IMMP2L: variants seen among roughly 807,000 people sequenced by gnomAD.
The protein encoded by IMMP2L is mitochondrial inner membrane protease subunit 2.
Under a neutral mutation model 19.3 loss-of-function variants are expected in IMMP2L, and 18 were observed. The ratio of observed to expected loss-of-function variants is 0.93; its 90% CI spans 0.64 to 1.38. IMMP2L has a LOEUF of 1.38. Among genes scored for constraint, IMMP2L ranks in the 40% most tolerant of loss-of-function variants. The pLI, the probability that IMMP2L is intolerant of heterozygous loss-of-function variation, is 0.00. For synonymous variants in IMMP2L, 76 were observed against 73.0 expected (o/e 1.04, Z -0.21); for missense variants, 233 against 218.2 (o/e 1.07, Z -0.43).
rs550783636 is a variant in IMMP2L at position 110,908,071 on chromosome 7, T to C, written c.306-21376A>G. ...AGTTGCACTCAAATATTATGTAGTT[T>C]TTGGTTTATGGGTAAACTCAGAAAA... On this transcript the variant is annotated intron_variant, in intron 4 of 5. Transcript: ENST00000405709. 2.0e-5 allele frequency among the ~76,000 whole-genome samples: 3 copies of C among 152,296 alleles called. No individual in the cohort carries two copies. In the East Asian group the frequency reaches 5.8e-4, roughly 29 times the overall value.
intron 3 of IMMP2L, among the ~76,000 whole-genome samples, chr7:111,254,838 G>T (rs1816532104): frequency 6.6e-6 from 1 of 151,982 alleles, no homozygotes; most frequent in Non-Finnish European, 1.5e-5. Flanking sequence ...ATATAACTGT[G>T]CAGTTCCAAC....
At chr7:111,542,315 AATATACACTTT>A (rs1848568256) in intron 1 of IMMP2L, among the ~76,000 whole-genome samples, 1 of 152,168 alleles carries the variant, frequency 6.6e-6, no homozygotes, top group East Asian at 1.9e-4. Context: ...TCTAGTAGAG[AATATACACTTT>A]GTGTTGATTA....
intron 5 of IMMP2L, among the ~76,000 whole-genome samples, chr7:110,719,172 C>A (rs566517010): frequency 7.2e-5 from 11 of 152,248 alleles, no homozygotes; most frequent in Admixed American, 5.9e-4. Flanking sequence ...CAGACAAACA[C>A]TGGACTGAAC....
At chr7:111,177,477 G>A (rs1054328233) in intron 3 of IMMP2L, among the ~76,000 whole-genome samples, 12 of 152,030 alleles carry the variant, frequency 7.9e-5, no homozygotes, top group African/African-American at 2.9e-4. Context: ...CATTGTGCCC[G>A]GGCTTCCCCA....
chr7:111,118,419 T>C (rs1460444788), intron 3 of IMMP2L, among the ~76,000 whole-genome samples: 4 of 152,092 alleles, frequency 2.6e-5, no homozygotes, highest in African/African-American at 9.7e-5. Flanking sequence ...TCTCAAATTA[T>C]AAGTGTCCAC....
At chr7:111,066,799 T>A (rs189549899) in intron 3 of IMMP2L, among the ~76,000 whole-genome samples, 1 of 152,234 alleles carries the variant, frequency 6.6e-6, no homozygotes, top group East Asian at 1.9e-4. Flanking sequence ...TCTACCAATA[T>A]GAATTACGGT....
intron 3 of IMMP2L, among the ~76,000 whole-genome samples, chr7:111,451,831 G>A (rs926550564): frequency 5.9e-5 from 9 of 151,838 alleles, no homozygotes; most frequent in African/African-American, 1.7e-4. Flanking sequence ...GAAATCCTAC[G>A]TTTTCTCTCG....
chr7:110,953,456 A>G (rs2129554440), intron 4 of IMMP2L, among the ~76,000 whole-genome samples: 1 of 152,078 alleles, frequency 6.6e-6, no homozygotes, highest in Non-Finnish European at 1.5e-5. Flanking sequence ...GCTGAGAATG[A>G]TGGTTTCCAG....
intron 5 of IMMP2L, among the ~76,000 whole-genome samples, chr7:110,863,672 A>G (rs1348159716): frequency 2.0e-5 from 3 of 152,128 alleles, no homozygotes; most frequent in Admixed American, 1.3e-4. Flanking sequence ...CTGGTACTCA[A>G]CAGTATACTG....
chr7:110,704,539 T>C (rs1007273263), intron 5 of IMMP2L, among the ~76,000 whole-genome samples: 2 of 152,260 alleles, frequency 1.3e-5, no homozygotes, highest in Non-Finnish European at 2.9e-5. Flanking sequence ...GTGGCAGTGC[T>C]GCCTCAAACT....
intron 3 of IMMP2L, among the ~76,000 whole-genome samples, chr7:111,028,437 A>C (rs925547990): frequency 6.6e-6 from 1 of 152,168 alleles, no homozygotes; most frequent in Non-Finnish European, 1.5e-5. Context: ...CAATCAGCAT[A>C]GGGAAATCTC....
At chr7:111,016,579 A>G (rs1222096676) in intron 3 of IMMP2L, among the ~76,000 whole-genome samples, 4 of 115,784 alleles carry the variant, frequency 3.5e-5, no homozygotes, top group Admixed American at 1.1e-4. Context: ...ACATACATAT[A>G]CATATATGTA....
At chr7:110,683,203 C>G (rs149374919) in intron 5 of IMMP2L, among the ~76,000 whole-genome samples, 268 of 152,136 alleles carry the variant, frequency 1.8e-3, no homozygotes, top group African/African-American at 6.3e-3. Flanking sequence ...AGTTATACAT[C>G]TGTTTATATG....
intron 5 of IMMP2L, among the ~76,000 whole-genome samples, chr7:110,864,770 C>A (rs374196766): frequency 4.9e-4 from 75 of 152,110 alleles, no homozygotes; most frequent in African/African-American, 1.7e-3. Context: ...GCCAATGAAC[C>A]AATTAAAATT....
chr7:111,274,915 G>T (rs1234440071), intron 3 of IMMP2L, among the ~76,000 whole-genome samples: 1 of 152,084 alleles, frequency 6.6e-6, no homozygotes, highest in Admixed American at 6.6e-5. Context: ...CCATCAGTAC[G>T]TAAAGCACTC....
intron 4 of IMMP2L, among the ~76,000 whole-genome samples, chr7:110,892,921 AC>A (rs1298388591): frequency 1.3e-5 from 2 of 151,992 alleles, no homozygotes; most frequent in East Asian, 1.9e-4. Flanking sequence ...TGAGAAATCT[AC>A]CCCACCCTCA....
At chr7:111,058,029 A>T (rs1161023302) in intron 3 of IMMP2L, among the ~76,000 whole-genome samples, 1 of 152,172 alleles carries the variant, frequency 6.6e-6, no homozygotes, top group Non-Finnish European at 1.5e-5. Flanking sequence ...TCTTCCCATC[A>T]CAATAGAAAG....
At chr7:111,049,851 G>A (rs944849617) in intron 3 of IMMP2L, among the ~76,000 whole-genome samples, 1 of 152,128 alleles carries the variant, frequency 6.6e-6, no homozygotes, top group Admixed American at 6.5e-5. Context: ...AATATTTAGG[G>A]GAAATTAACT....
intron 3 of IMMP2L, among the ~76,000 whole-genome samples, chr7:111,017,984 G>C (rs1030792191): frequency 2.6e-5 from 4 of 152,150 alleles, no homozygotes; most frequent in Non-Finnish European, 4.4e-5. Context: ...TAGTCATCTT[G>C]GAAAATGAAA....
Sources: gnomAD v4.1 joint callset for allele counts (sites outside exome capture counted in the v4.1 genomes callset) on GRCh38, gnomAD v4.1.1 for gene constraint, MANE v1.5 for transcripts, NCBI Gene and HGNC (gene_info 2026-07-23, HGNC 2026-07-21) for gene names.